STRN3: variants seen among roughly 807,000 people sequenced by gnomAD.
STRN3 encodes striatin-3.
In STRN3, 29 loss-of-function variants were observed where a neutral mutation model predicts 95.6. The ratio of observed to expected loss-of-function variants is 0.30; its 90% CI spans 0.23 to 0.41. The LOEUF (loss-of-function observed/expected upper bound fraction) is 0.41. STRN3 is among the 10% of genes least tolerant of loss of function. The probability of loss-of-function intolerance (pLI) is 1.00; values close to 1 mark genes in which losing one functional copy is unlikely to be tolerated. For synonymous variants in STRN3, 331 were observed against 357.6 expected, an observed-to-expected ratio of 0.93 and a Z score of 0.84; for missense variants, 890 against 972.1, an observed-to-expected ratio of 0.92 and a Z score of 1.12.
intron 1 of STRN3, among the ~76,000 whole-genome samples, chr14:31,023,235 T>G (rs1243190430): frequency 6.6e-6 from 1 of 152,192 alleles, no homozygotes; most frequent in African/African-American, 2.4e-5. Flanking sequence ...GAAAATGGAC[T>G]GTCTGTGGAA....
intron 4 of STRN3, among the ~76,000 whole-genome samples, chr14:30,948,349 G>T (rs1321774873): frequency 6.6e-6 from 1 of 152,148 alleles, no homozygotes; most frequent in Non-Finnish European, 1.5e-5. Context: ...ACAGATGTGG[G>T]TCATTAATCT....
chr14:30,979,700 A>G (rs2139221819), intron 1 of STRN3, among the ~76,000 whole-genome samples: 1 of 152,134 alleles, frequency 6.6e-6, no homozygotes, highest in Non-Finnish European at 1.5e-5. Context: ...CCTGGGTTCA[A>G]GCAATTCTCC....
chr14:31,008,049 G>C (rs186824228), intron 1 of STRN3, among the ~76,000 whole-genome samples: 17 of 152,018 alleles, frequency 1.1e-4, no homozygotes, highest in African/African-American at 3.6e-4. Flanking sequence ...AAATTAGCCA[G>C]GCATGATGGC....
chr14:30,912,766 A>C (rs1286365973), intron 10 of STRN3, among the ~76,000 whole-genome samples: 1 of 152,196 alleles, frequency 6.6e-6, no homozygotes, highest in Non-Finnish European at 1.5e-5. Context: ...AAAGCAGTCA[A>C]AAGTTTACTG....
intron 3 of STRN3, among the ~76,000 whole-genome samples, chr14:30,952,924 G>T (rs1003832290): frequency 6.6e-6 from 1 of 151,974 alleles, no homozygotes; most frequent in South Asian, 2.1e-4. Context: ...TAGTACTTTA[G>T]TGTTTATCAT....
chr14:31,025,730 A>C, intron 1 of STRN3, 174 bp downstream of exon 1: 1 of 871,994 alleles, frequency 1.1e-6, no homozygotes, highest in South Asian at 1.8e-5. Context: ...TGCGGGAAAG[A>C]GGGAGGGGGA....
At chr14:30,974,998 G>A (rs909218745) in intron 1 of STRN3, among the ~76,000 whole-genome samples, 2 of 150,696 alleles carry the variant, frequency 1.3e-5, no homozygotes, top group Non-Finnish European at 3.0e-5. Context: ...AGGTGCCTGC[G>A]CTGCCTGTGA....
intron 1 of STRN3, among the ~76,000 whole-genome samples, chr14:30,973,643 T>TAACC (rs1412290688): frequency 2.6e-5 from 4 of 152,276 alleles, no homozygotes; most frequent in African/African-American, 9.6e-5. Context: ...CTGCTCCTGA[T>TAACC]AACCAAAGGC....
intron 9 of STRN3, among the ~76,000 whole-genome samples, chr14:30,916,053 CAT>C (rs1377916550): frequency 2.6e-5 from 4 of 152,250 alleles, no homozygotes; most frequent in African/African-American, 9.6e-5. Context: ...ACTATTTACA[CAT>C]ATATGTGCAA....
At chr14:30,971,596 C>G (rs751435416) in intron 1 of STRN3, among the ~76,000 whole-genome samples, 7 of 152,142 alleles carry the variant, frequency 4.6e-5, no homozygotes, top group Non-Finnish European at 7.3e-5. Context: ...GCCTTAGACA[C>G]GATATTAGCA....
intron 1 of STRN3, among the ~76,000 whole-genome samples, chr14:30,976,887 T>C (rs1251983960): frequency 6.6e-6 from 1 of 152,136 alleles, no homozygotes; most frequent in Non-Finnish European, 1.5e-5. Context: ...CTCAGGAGTT[T>C]GAGACCAGCC....
chr14:30,960,149 C>T (rs904486650), intron 1 of STRN3, among the ~76,000 whole-genome samples: 26 of 150,396 alleles, frequency 1.7e-4, no homozygotes, highest in African/African-American at 5.1e-4. Context: ...TGAGACCAGG[C>T]GTTCAAGACC....
intron 5 of STRN3, among the ~76,000 whole-genome samples, chr14:30,945,132 A>G (rs1307589286): frequency 6.6e-6 from 1 of 152,190 alleles, no homozygotes; most frequent in East Asian, 1.9e-4. Context: ...TCAATTCCGT[A>G]TTCATCAAAA....
At chr14:30,985,306 CA>C (rs60601878) in intron 1 of STRN3, among the ~76,000 whole-genome samples, 91,104 of 127,992 alleles carry the variant, frequency 0.71, 29,973 homozygotes, top group Non-Finnish European at 0.76. Flanking sequence ...AAAACTCCGC[CA>C]AAAAAAAAAA....
intron 13 of STRN3, 36 bp downstream of exon 13, chr14:30,911,005 C>G: frequency 6.5e-7 from 1 of 1,538,026 alleles, no homozygotes; most frequent in South Asian, 1.1e-5. Flanking sequence ...CAGCTCCATT[C>G]ACTTAAAAAA....
rs71112354 is a variant in STRN3, at chr14:30,924,287, C to CT, written c.1099+4913dup. ...AGGTACAATGGCTCATGCCTTAAAT[C>CT]TTTTTTTTTTTTTTTTTTTTGAGAT... On this transcript the variant is annotated intron_variant, in intron 8 of 17. Coordinates refer to ENST00000357479, the MANE Select transcript of STRN3 (RefSeq NM_001083893.2). 3.2e-4 allele frequency among the ~76,000 whole-genome samples: 25 copies of CT among 77,242 alleles called. 4 individuals carry two copies. Among genetic ancestry groups the CT allele is most frequent in the African/African-American group, 9.1e-4 (17 of 18,666 alleles). 50.7% of individuals were successfully genotyped at this position (77,242 alleles called of 152,430 possible).
chr14:31,022,893 CAT>C (rs879400607), intron 1 of STRN3, among the ~76,000 whole-genome samples: 42 of 152,236 alleles, frequency 2.8e-4, no homozygotes, highest in African/African-American at 8.4e-4. Flanking sequence ...GAAGTCGTAA[CAT>C]GATAGATGTT....
intron 7 of STRN3, among the ~76,000 whole-genome samples, chr14:30,933,158 G>A (rs1594456739): frequency 1.3e-5 from 2 of 151,558 alleles, no homozygotes; most frequent in South Asian, 2.1e-4. Flanking sequence ...ACACGCCTGT[G>A]GTCTCAGTTA....
Position 30,947,162 on chromosome 14 carries a change from A to G in STRN3, c.644T>C (p.Val215Ala), listed in dbSNP as rs749529979. The G allele has an allele frequency of 6.2e-7, 1 of 1,613,016 alleles. No homozygotes were observed. The highest frequency in any genetic ancestry group is 8.5e-7 in the Non-Finnish European group (1 of 1,179,644). ...GATCTGTTCTAAATTCTTTGTTTCT[A>G]CTGATCCATTTGGTTCTGAATTAGA... ...GLSNSEPNGS[V>A]ETKNLEQILN... The change falls in exon 5 of 18, where the codon GTA becomes GCA. Residue 215 changes from valine to alanine, a missense_variant. Coordinates refer to ENST00000357479, the MANE Select transcript of STRN3 (RefSeq NM_001083893.2).
Sources: allele counts gnomAD v4.1 joint callset (sites outside exome capture counted in the v4.1 genomes callset), GRCh38; gene constraint gnomAD v4.1.1; transcripts MANE v1.5; gene names NCBI Gene and HGNC (gene_info 2026-07-23, HGNC 2026-07-21).